The following MGAT5 variants were observed in gnomAD, a reference collection of about 807,000 sequenced individuals.
MGAT5 encodes alpha-1,6-mannosylglycoprotein 6-beta-N-acetylglucosaminyltransferase A.
In MGAT5, 30 loss-of-function variants were observed where a neutral mutation model predicts 94.3. That is an observed-to-expected ratio of 0.32 (90% CI 0.24 to 0.43). MGAT5 has a LOEUF of 0.43. Ranked by LOEUF, MGAT5 falls within the 20% of genes least tolerant of loss-of-function variation. MGAT5 has a pLI of 1.00. For synonymous variants in MGAT5, 310 were observed against 322.9 expected, an observed-to-expected ratio of 0.96 and a Z score of 0.43; for missense variants, 691 against 905.5, an observed-to-expected ratio of 0.76 and a Z score of 3.04.
chr2:134,359,546 A>C (rs181714328), intron 9 of MGAT5, among the ~76,000 whole-genome samples: 9 of 152,342 alleles, frequency 5.9e-5, no homozygotes, highest in Non-Finnish European at 1.5e-5. Flanking sequence ...TAAAAATCAC[A>C]TTTGTTTATC....
Position 134,449,272 on chromosome 2 carries a change from GAGA to G in MGAT5, c.*426_*428del, listed in dbSNP as rs1341498708. Reference sequence around the variant, plus strand: ...GTGGGAGGGAGGGGACCGCGGGAGGGAGAGGAGGGATTGATCACAGGCTTCTTT... The same window carrying G: ...GTGGGAGGGAGGGGACCGCGGGAGGGGGAGGGATTGATCACAGGCTTCTTT... On this transcript the variant is annotated 3_prime_UTR_variant, in exon 16 of 16. Coordinates refer to ENST00000281923, the MANE Select transcript of MGAT5 (RefSeq NM_002410.5). 1.4e-5 allele frequency: 3 copies of G among 216,516 alleles called. No individual in the cohort carries two copies. 13.4% of individuals were successfully genotyped at this position (216,516 alleles called of 1,614,324 possible).
chr2:134,358,832 C>G (rs761025806), intron 9 of MGAT5, among the ~76,000 whole-genome samples: 2 of 152,218 alleles, frequency 1.3e-5, no homozygotes, highest in Non-Finnish European at 2.9e-5. Flanking sequence ...AGGGCAGAAA[C>G]TCATCTTTAT....
intron 1 of MGAT5, among the ~76,000 whole-genome samples, chr2:134,263,823 A>G (rs1683487364): frequency 6.6e-6 from 1 of 152,120 alleles, no homozygotes; most frequent in Non-Finnish European, 1.5e-5. Context: ...ATTAAAGCAT[A>G]TGAGGAAGTA....
intron 1 of MGAT5, among the ~76,000 whole-genome samples, chr2:134,236,120 G>C (rs996310268): frequency 1.3e-5 from 2 of 152,206 alleles, no homozygotes; most frequent in African/African-American, 2.4e-5. Flanking sequence ...CCAAAGTTTT[G>C]AGATGTGGCT....
chr2:134,357,965 T>C (rs762190623), intron 9 of MGAT5, among the ~76,000 whole-genome samples: 3 of 152,172 alleles, frequency 2.0e-5, no homozygotes, highest in Non-Finnish European at 4.4e-5. Context: ...GTGACATAAC[T>C]ATTTTTCAAT....
chr2:134,302,676 C>T (rs1431006888), intron 2 of MGAT5, among the ~76,000 whole-genome samples: 1 of 148,976 alleles, frequency 6.7e-6, no homozygotes, highest in Non-Finnish European at 1.5e-5. Context: ...ATATAGAATT[C>T]TGAGCTGACA....
chr2:134,443,753 A>T (rs1685618618), intron 15 of MGAT5, among the ~76,000 whole-genome samples: 1 of 152,210 alleles, frequency 6.6e-6, no homozygotes, highest in African/African-American at 2.4e-5. Flanking sequence ...CTCCTTTTGC[A>T]TATAGCTCTT....
At chr2:134,227,193 C>T (rs2105377088) in intron 1 of MGAT5, among the ~76,000 whole-genome samples, 1 of 152,302 alleles carries the variant, frequency 6.6e-6, no homozygotes, top group Middle Eastern at 3.4e-3. Flanking sequence ...CTCTTTCCCA[C>T]TGAAAAGAGA....
chr2:134,143,813 C>A (rs1417842637), intron 1 of MGAT5, among the ~76,000 whole-genome samples: 1 of 152,122 alleles, frequency 6.6e-6, no homozygotes, highest in Non-Finnish European at 1.5e-5. Flanking sequence ...TACTATTGAA[C>A]CGCCTGAATG....
chr2:134,359,528 A>G (rs993653336), intron 9 of MGAT5, among the ~76,000 whole-genome samples: 4 of 152,366 alleles, frequency 2.6e-5, no homozygotes, highest in South Asian at 2.1e-4. Context: ...AATACCAGCC[A>G]TCCTTTTTAA....
intron 2 of MGAT5, among the ~76,000 whole-genome samples, chr2:134,283,000 A>G (rs983759596): frequency 2.0e-5 from 3 of 152,138 alleles, no homozygotes; most frequent in Non-Finnish European, 1.5e-5. Context: ...CGAAAAAAAA[A>G]AAAAGGACCC....
chr2:134,174,731 T>A (rs181446167), intron 1 of MGAT5, among the ~76,000 whole-genome samples: 1 of 152,342 alleles, frequency 6.6e-6, no homozygotes, highest in African/African-American at 2.4e-5. Context: ...CTTCCCAGGA[T>A]GTTGGTCAGT....
At chr2:134,139,762 C>T (rs1464093959) in intron 1 of MGAT5, among the ~76,000 whole-genome samples, 4 of 152,134 alleles carry the variant, frequency 2.6e-5, no homozygotes, top group South Asian at 2.1e-4. Flanking sequence ...GACTGTAAAA[C>T]AGCCCTGCTA....
At chr2:134,193,103 T>G (rs1427246509) in intron 1 of MGAT5, among the ~76,000 whole-genome samples, 1 of 149,372 alleles carries the variant, frequency 6.7e-6, no homozygotes, top group Non-Finnish European at 1.5e-5. Context: ...GTGAGGTTAC[T>G]TTATTTTTAT....
At chr2:134,430,663 C>A (rs1473655658) in intron 14 of MGAT5, among the ~76,000 whole-genome samples, 2 of 151,936 alleles carry the variant, frequency 1.3e-5, no homozygotes, top group African/African-American at 4.8e-5. Context: ...ACTGCACCGC[C>A]CCCCACCCCC....
Position 134,341,695 on chromosome 2 carries a change from A to G in MGAT5, c.913A>G (p.Ile305Val), listed in dbSNP as rs1225168039. The G allele has an allele frequency of 6.2e-7, 1 of 1,613,610 alleles. No individual in the cohort carries two copies. The highest frequency in any genetic ancestry group is 1.1e-5 in the South Asian group (1 of 91,066). ...LGELVQWSDL[I>V]TSLYLLGHDI... Reference sequence around the variant, plus strand: ...TGAATTAGTTCAATGGAGTGATTTAATTACATCTCTGTACTTACTGGGCCA... The same window carrying G: ...TGAATTAGTTCAATGGAGTGATTTAGTTACATCTCTGTACTTACTGGGCCA... Residue 305 changes from isoleucine (I) to valine (V), a missense_variant, in exon 7 of 16, where the codon ATT (isoleucine) becomes GTT (valine). Ile to Val is a conservative substitution (Grantham distance 29, BLOSUM62 3). Coordinates refer to ENST00000281923, the MANE Select transcript of MGAT5 (RefSeq NM_002410.5).
intron 1 of MGAT5, among the ~76,000 whole-genome samples, chr2:134,226,188 T>G (rs138240069): frequency 6.6e-6 from 1 of 152,350 alleles, no homozygotes; most frequent in African/African-American, 2.4e-5. Context: ...TCTTTAAAGC[T>G]TTTCCTTCCA....
At chr2:134,442,039 A>AG (rs1297855737) in intron 15 of MGAT5, 124 bp downstream of exon 15, 2 of 1,110,364 alleles carry the variant, frequency 1.8e-6, no homozygotes, top group East Asian at 4.8e-5. Flanking sequence ...AAGGTGTGGG[A>AG]GGGGAGTAGG....
At chr2:134,131,803 T>C (rs1686188278) in intron 1 of MGAT5, among the ~76,000 whole-genome samples, 1 of 152,176 alleles carries the variant, frequency 6.6e-6, no homozygotes, top group African/African-American at 2.4e-5. Context: ...AGAGGCTGTT[T>C]CTGATATCCT....
Sources: allele counts gnomAD v4.1 joint callset (sites outside exome capture counted in the v4.1 genomes callset), GRCh38; gene constraint gnomAD v4.1.1; transcripts MANE v1.5; gene names NCBI Gene and HGNC (gene_info 2026-07-23, HGNC 2026-07-21).